ARHGEF28: variants seen among roughly 807,000 people sequenced by gnomAD.
ARHGEF28 encodes 190 kDa guanine nucleotide exchange factor.
Under a neutral mutation model 206.6 loss-of-function variants are expected in ARHGEF28, and 152 were observed. The ratio of observed to expected loss-of-function variants is 0.74; its 90% CI spans 0.64 to 0.84. The LOEUF (loss-of-function observed/expected upper bound fraction) is 0.84. ARHGEF28 is among the 40% of genes least tolerant of loss of function. The pLI, the probability that ARHGEF28 is intolerant of heterozygous loss-of-function variation, is 0.00. For missense variants in ARHGEF28, 2,028 were observed against 2,073.2 expected, an observed-to-expected ratio of 0.98 and a Z score of 0.42; for synonymous variants, 763 against 776.4, an observed-to-expected ratio of 0.98 and a Z score of 0.29.
At position 73,909,614 on chromosome 5, in the gene ARHGEF28, T is replaced by G; in HGVS notation, c.4364T>G (p.Leu1455Arg). 1 of 1,552,288 alleles carries G rather than the reference T, an allele frequency of 6.4e-7. No homozygotes were observed. Among genetic ancestry groups the G allele is most frequent in the Non-Finnish European group, 8.7e-7 (1 of 1,148,122 alleles). The change falls in exon 34 of 36, where the codon CTG becomes CGG. Residue 1455 changes from leucine (L) to arginine (R), a missense_variant. Coordinates refer to ENST00000513042, the MANE Select transcript of ARHGEF28 (RefSeq NM_001177693.2). ...HQLQQEQRRWLRRCEQQQRAQ... is the reference protein window; with the variant it reads ...HQLQQEQRRWRRRCEQQQRAQ... ...CTCCAGCAGGAGCAGCGGCGCTGGC[T>G]GCGCAGGTGTGAGCAGCAGCAGCGG... is the stretch of plus-strand genomic sequence containing the variant.
intron 1 of ARHGEF28, among the ~76,000 whole-genome samples, chr5:73,630,708 A>G (rs1743316609): frequency 3.9e-5 from 6 of 152,150 alleles, no homozygotes; most frequent in African/African-American, 2.4e-5. Context: ...CTGGAACCCT[A>G]TCTGGTCCCA....
intron 33 of ARHGEF28, 38 bp from the exon 34 acceptor site, chr5:73,909,374 C>T: frequency 6.4e-7 from 1 of 1,559,088 alleles, no homozygotes; most frequent in South Asian, 1.2e-5. Context: ...ACCATGGAAC[C>T]TTGTGTTCAG....
intron 1 of ARHGEF28, among the ~76,000 whole-genome samples, chr5:73,678,530 T>C (rs879794914): frequency 6.6e-6 from 1 of 152,208 alleles, no homozygotes; most frequent in Non-Finnish European, 1.5e-5. Flanking sequence ...TGGTTTCTTC[T>C]TGACTGAAAA....
intron 2 of ARHGEF28, among the ~76,000 whole-genome samples, chr5:73,729,672 G>C (rs1024554304): frequency 6.6e-6 from 1 of 152,058 alleles, no homozygotes; most frequent in Non-Finnish European, 1.5e-5. Context: ...ATTTCAGGCG[G>C]GCAGCTTCTT....
chr5:73,911,925 C>T (rs1371882624), intron 35 of ARHGEF28, among the ~76,000 whole-genome samples: 1 of 152,174 alleles, frequency 6.6e-6, no homozygotes, highest in East Asian at 1.9e-4. Flanking sequence ...CATCCTGAAA[C>T]ACCTATGTTG....
chr5:73,840,121 T>C (rs1757891701), intron 10 of ARHGEF28, among the ~76,000 whole-genome samples: 1 of 152,186 alleles, frequency 6.6e-6, no homozygotes, highest in South Asian at 2.1e-4. Context: ...ATAAAATAAT[T>C]CTCTGTTTAC....
chr5:73,749,814 G>A, intron 2 of ARHGEF28, 23 bp from the exon 3 acceptor site: 1 of 1,613,058 alleles, frequency 6.2e-7, no homozygotes, highest in Non-Finnish European at 8.5e-7. Context: ...GTCTGACAAT[G>A]CCCCGACTTA....
intron 21 of ARHGEF28, among the ~76,000 whole-genome samples, chr5:73,871,857 G>A (rs1357036317): frequency 6.6e-6 from 1 of 152,182 alleles, no homozygotes; most frequent in African/African-American, 2.4e-5. Flanking sequence ...AGTACAATAT[G>A]TGGTCTTTTG....
At position 73,796,981 on chromosome 5, in the gene ARHGEF28, C is replaced by T. The variant is rs185830342; in HGVS notation, c.1024+1590C>T. Among the ~76,000 whole-genome samples, 145 of 152,274 alleles carry T rather than the reference C, an allele frequency of 9.5e-4. 2 individuals carry two copies. Among genetic ancestry groups the T allele is most frequent in the African/African-American group, 3.1e-3 (129 of 41,566 alleles). Reference sequence around the variant, plus strand: ...CTACTAAAAGTATTAAACACTGAGACGATCTTAATTTCAGGTTTTAAAAAC... The same window carrying T: ...CTACTAAAAGTATTAAACACTGAGATGATCTTAATTTCAGGTTTTAAAAAC... On this transcript the variant is annotated intron_variant, in intron 9 of 35. Transcript: ENST00000513042.
At chr5:73,650,689 C>T (rs1744760014) in intron 1 of ARHGEF28, among the ~76,000 whole-genome samples, 1 of 151,896 alleles carries the variant, frequency 6.6e-6, no homozygotes, top group African/African-American at 2.4e-5. Flanking sequence ...CAGGCTGTTG[C>T]CCAGGCTGGA....
chr5:73,735,215 T>G (rs1750846147), intron 2 of ARHGEF28, among the ~76,000 whole-genome samples: 1 of 150,832 alleles, frequency 6.6e-6, no homozygotes, highest in Non-Finnish European at 1.5e-5. Context: ...ATTAATACAT[T>G]TATTAATTTT....
chr5:73,633,570 ATTTTTTTTTTTT>A (rs764440038), intron 1 of ARHGEF28, among the ~76,000 whole-genome samples: 1 of 101,060 alleles, frequency 9.9e-6, no homozygotes, highest in Non-Finnish European at 1.9e-5. Context: ...AATACCTTTA[ATTTTTTTTTTTT>A]TTTTTTTTTT....
intron 2 of ARHGEF28, among the ~76,000 whole-genome samples, chr5:73,691,395 C>A (rs1026459447): frequency 5.3e-5 from 8 of 152,232 alleles, no homozygotes; most frequent in African/African-American, 1.4e-4. Flanking sequence ...TCCCCTCACC[C>A]CCATTTTATA....
At chr5:73,932,714 C>T (rs1764191095) in intron 35 of ARHGEF28, among the ~76,000 whole-genome samples, 1 of 147,774 alleles carries the variant, frequency 6.8e-6, no homozygotes, top group Non-Finnish European at 1.5e-5. Context: ...ATTCATTTGA[C>T]AATATATGTT....
chr5:73,707,257 G>A (rs1356901320), intron 2 of ARHGEF28, among the ~76,000 whole-genome samples: 1 of 152,218 alleles, frequency 6.6e-6, no homozygotes, highest in Non-Finnish European at 1.5e-5. Flanking sequence ...GACCAGAGCA[G>A]AGAGGCAAAT....
At chr5:73,805,868 G>A (rs569395132) in intron 9 of ARHGEF28, among the ~76,000 whole-genome samples, 115 of 152,088 alleles carry the variant, frequency 7.6e-4, no homozygotes, top group African/African-American at 2.3e-3. Context: ...GAGCCTGCCC[G>A]TTTTTTCTTT....
chr5:73,648,443 G>A (rs965877191), intron 1 of ARHGEF28, among the ~76,000 whole-genome samples: 4 of 152,136 alleles, frequency 2.6e-5, no homozygotes, highest in African/African-American at 9.7e-5. Context: ...ATCTATTAAT[G>A]TCAGAAGACA....
At chr5:73,744,736 T>C (rs779093388) in intron 2 of ARHGEF28, among the ~76,000 whole-genome samples, 1 of 152,094 alleles carries the variant, frequency 6.6e-6, no homozygotes, top group Non-Finnish European at 1.5e-5. Context: ...ATATAAAGGC[T>C]GTGTATAATA....
chr5:73,894,609 G>C, intron 29 of ARHGEF28, 34 bp downstream of exon 29: 1 of 1,601,964 alleles, frequency 6.2e-7, no homozygotes, highest in Non-Finnish European at 8.5e-7. Context: ...GGGTCGACAC[G>C]TTCAGAAAAT....
Sources: allele counts gnomAD v4.1 joint callset (sites outside exome capture counted in the v4.1 genomes callset), GRCh38; gene constraint gnomAD v4.1.1; transcripts MANE v1.5; gene names NCBI Gene and HGNC (gene_info 2026-07-23, HGNC 2026-07-21).